Variants in ARID3B observed in about 807,000 individuals in gnomAD.
The protein encoded by ARID3B is AT-rich interactive domain-containing protein 3B.
In ARID3B, 10 loss-of-function variants were observed where a neutral mutation model predicts 51.9. The ratio of observed to expected loss-of-function variants is 0.19; its 90% CI spans 0.12 to 0.33. The LOEUF (loss-of-function observed/expected upper bound fraction) is 0.33, where lower values mean the gene tolerates loss of function less well. Ranked by LOEUF, ARID3B falls within the 10% of genes least tolerant of loss-of-function variation. ARID3B has a pLI of 1.00. For synonymous variants in ARID3B, 205 were observed against 279.5 expected (o/e 0.73, Z 2.66); for missense variants, 483 against 716.3 (o/e 0.67, Z 3.72).
chr15:74,571,844 C>T (rs1409647693), intron 2 of ARID3B, among the ~76,000 whole-genome samples: 1 of 152,202 alleles, frequency 6.6e-6, no homozygotes, highest in African/African-American at 2.4e-5. Context: ...TGGCTCATGC[C>T]TGTAATCCCA....
At chr15:74,575,599 T>G (rs989806664) in intron 4 of ARID3B, among the ~76,000 whole-genome samples, 1 of 152,198 alleles carries the variant, frequency 6.6e-6, no homozygotes, top group Non-Finnish European at 1.5e-5. Flanking sequence ...CTGCATATCC[T>G]GCTGTTCTGT....
At chr15:74,581,753 C>T (rs915715769) in intron 4 of ARID3B, among the ~76,000 whole-genome samples, 3 of 152,176 alleles carry the variant, frequency 2.0e-5, no homozygotes, top group African/African-American at 4.8e-5. Flanking sequence ...CTGCTTTTGT[C>T]GTTAAATTCA....
chr15:74,557,302 G>A (rs1205904534), intron 2 of ARID3B, among the ~76,000 whole-genome samples: 2 of 151,592 alleles, frequency 1.3e-5, no homozygotes, highest in Admixed American at 1.3e-4. Flanking sequence ...TGTAGTCCCA[G>A]CTACTTGGGA....
intron 2 of ARID3B, among the ~76,000 whole-genome samples, chr15:74,549,711 C>CT (rs1567115721): frequency 6.6e-6 from 1 of 152,202 alleles, no homozygotes; most frequent in African/African-American, 2.4e-5. Flanking sequence ...CTTGCATGCC[C>CT]TTGCCTTCTG....
chr15:74,547,799 G>A (rs1567115199), intron 2 of ARID3B, among the ~76,000 whole-genome samples: 1 of 152,208 alleles, frequency 6.6e-6, no homozygotes, highest in Non-Finnish European at 1.5e-5. Context: ...CTACAGCATA[G>A]CATAGCTTGG....
intron 2 of ARID3B, among the ~76,000 whole-genome samples, chr15:74,567,897 C>G (rs1324700945): frequency 6.6e-6 from 1 of 152,170 alleles, no homozygotes; most frequent in East Asian, 1.9e-4. Flanking sequence ...TGGAGAAGCA[C>G]TATTCTAATT....
intron 2 of ARID3B, among the ~76,000 whole-genome samples, chr15:74,567,450 T>A (rs1035433545): frequency 9.2e-5 from 14 of 152,182 alleles, no homozygotes; most frequent in Non-Finnish European, 1.3e-4. Flanking sequence ...TTTTTTTTTT[T>A]AGTGGTATTC....
intron 2 of ARID3B, among the ~76,000 whole-genome samples, chr15:74,564,376 A>G (rs1187384062): frequency 6.6e-6 from 1 of 152,226 alleles, no homozygotes; most frequent in East Asian, 1.9e-4. Flanking sequence ...TTGGATTTTT[A>G]ACATTACATC....
chr15:74,546,290 C>CTATGAG (rs2061615383), intron 2 of ARID3B, among the ~76,000 whole-genome samples: 1 of 151,556 alleles, frequency 6.6e-6, no homozygotes, highest in South Asian at 2.1e-4. Flanking sequence ...TCCATACCGG[C>CTATGAG]CGCTGAGTCA....
chr15:74,552,056 CTTTTTTTTT>C (rs869096001), intron 2 of ARID3B, among the ~76,000 whole-genome samples: 4 of 102,630 alleles, frequency 3.9e-5, no homozygotes, highest in African/African-American at 1.6e-4. Context: ...TCTTTCTTTC[CTTTTTTTTT>C]TTTTTTTTTT....
At chr15:74,541,962 G>A (rs914750463) in intron 1 of ARID3B, among the ~76,000 whole-genome samples, 1 of 152,186 alleles carries the variant, frequency 6.6e-6, no homozygotes, top group Admixed American at 6.5e-5. Flanking sequence ...GGGACTGCGG[G>A]AAAATGGGCT....
chr15:74,594,850 C>T (rs771906487), intron 8 of ARID3B, among the ~76,000 whole-genome samples: 3 of 152,178 alleles, frequency 2.0e-5, no homozygotes, highest in Non-Finnish European at 4.4e-5. Context: ...GGGCCTGGTG[C>T]CCTTTGCCTC....
intron 8 of ARID3B, 66 bp downstream of exon 8, chr15:74,593,302 T>A: frequency 3.4e-6 from 5 of 1,452,186 alleles, no homozygotes; most frequent in Non-Finnish European, 4.7e-6. Context: ...GCTCTGCGGC[T>A]GGCCCTGCCT....
intron 2 of ARID3B, among the ~76,000 whole-genome samples, chr15:74,562,992 C>T (rs1350759531): frequency 2.0e-5 from 3 of 152,208 alleles, no homozygotes; most frequent in African/African-American, 7.2e-5. Flanking sequence ...GAACTAGCAG[C>T]CCACCTTCTT....
intron 2 of ARID3B, among the ~76,000 whole-genome samples, chr15:74,564,212 C>T (rs1244001521): frequency 6.6e-6 from 1 of 152,208 alleles, no homozygotes; most frequent in Admixed American, 6.5e-5. Context: ...ATAACAGTAT[C>T]TGTTTTACTT....
At position 74,556,393 on chromosome 15, in the gene ARID3B, C is replaced by CATCAAAGATG. The variant is rs1013034759; in HGVS notation, c.552+11907_552+11916dup. On this transcript the variant is annotated intron_variant, in intron 2 of 8. Transcript: ENST00000346246. The stretch of plus-strand genomic sequence containing the variant: ...CTCTCCAAAGCAATTACAATGGTAA[C>CATCAAAGATG]ATCAAAGATGACTGATCACAGATCA... 1.8e-4 allele frequency among the ~76,000 whole-genome samples: 27 copies of CATCAAAGATG among 152,254 alleles called. No individual in the cohort carries two copies. In the Middle Eastern group the frequency reaches 0.01, roughly 58 times the overall value.
At position 74,566,980 on chromosome 15, in the gene ARID3B, G is replaced by A. The variant is rs1341707606; in HGVS notation, c.553-5882G>A. ...AGTGAAAATCCCCCAGTTCCAATCC[G>A]ATTAGGTGTCTATGTACATTTGTAT... On this transcript the variant is annotated intron_variant, in intron 2 of 8. Transcript: ENST00000346246. 2.6e-5 allele frequency among the ~76,000 whole-genome samples: 4 copies of A among 151,972 alleles called. No homozygotes were observed. In the East Asian group the frequency reaches 5.8e-4, roughly 22 times the overall value.
intron 2 of ARID3B, among the ~76,000 whole-genome samples, chr15:74,570,563 G>A (rs1292511298): frequency 6.7e-6 from 1 of 148,990 alleles, no homozygotes; most frequent in Non-Finnish European, 1.5e-5. Context: ...CAGCTTCAGA[G>A]CTCTCGCCAG....
intron 2 of ARID3B, among the ~76,000 whole-genome samples, chr15:74,545,067 G>A (rs1393949800): frequency 6.6e-6 from 1 of 152,190 alleles, no homozygotes; most frequent in South Asian, 2.1e-4. Flanking sequence ...TTAAAGGAAG[G>A]ATGAAGTTGC....
Sources: gnomAD v4.1 joint callset for allele counts (sites outside exome capture counted in the v4.1 genomes callset) on GRCh38, gnomAD v4.1.1 for gene constraint, MANE v1.5 for transcripts, NCBI Gene and HGNC (gene_info 2026-07-23, HGNC 2026-07-21) for gene names.